The following FAM120A variants were observed in gnomAD, a reference collection of about 807,000 sequenced individuals.
FAM120A encodes the protein family with sequence similarity 120 member A.
A neutral mutation model predicts 109.7 loss-of-function variants in FAM120A; 15 were observed. That is an observed-to-expected ratio of 0.14 (90% CI 0.09 to 0.21). FAM120A has a LOEUF of 0.21. Among genes scored for constraint, FAM120A ranks in the 10% least tolerant of loss-of-function variants. The pLI, the probability that FAM120A is intolerant of heterozygous loss-of-function variation, is 1.00. For synonymous variants in FAM120A, 493 were observed against 572.8 expected (o/e 0.86, Z 1.99); for missense variants, 899 against 1,439.3 (o/e 0.62, Z 6.07).
Position 93,452,397 on chromosome 9 carries a change from C to G in FAM120A, c.474+8C>G. ...ATCCGCTTCCACGTCAAGGTGAGGC[C>G]GGGGATCCGGGCGGGCCGGGGACCG... On this transcript the variant is annotated splice_region_variant and intron_variant, in intron 1 of 17. Coordinates refer to ENST00000277165, the MANE Select transcript of FAM120A (RefSeq NM_014612.5). The surrounding 1 kb of genome is among the most constrained non-coding windows in gnomAD (Gnocchi z 7.0). 1 of 1,599,582 alleles carries G rather than the reference C, an allele frequency of 6.3e-7. No individual in the cohort carries two copies. Among genetic ancestry groups the G allele is most frequent in the Non-Finnish European group, 8.5e-7 (1 of 1,173,968 alleles).
At chr9:93,504,515 A>G (rs536210634) in intron 5 of FAM120A, among the ~76,000 whole-genome samples, 1 of 152,224 alleles carries the variant, frequency 6.6e-6, no homozygotes, top group African/African-American at 2.4e-5. Flanking sequence ...TCGTGTCTGT[A>G]TGTCTGGATA....
intron 1 of FAM120A, among the ~76,000 whole-genome samples, chr9:93,459,236 C>T (rs918651203): frequency 6.6e-6 from 1 of 152,194 alleles, no homozygotes; most frequent in East Asian, 1.9e-4. Flanking sequence ...GCATATTTAC[C>T]TCCCCCAGCC....
chr9:93,451,702 G>C lies in FAM120A; in HGVS notation c.-214G>C. 1 of 982,320 alleles carries C rather than the reference G, an allele frequency of 1.0e-6. No homozygotes were observed. The highest frequency in any genetic ancestry group is 1.2e-6 in the Non-Finnish European group (1 of 830,642). The allele number at this position is 982,320 out of a possible 1,614,324, so 60.9% of individuals were successfully genotyped here. A position where few individuals can be genotyped will look rare whatever the true frequency, so the allele number is the denominator to read the frequency against. On this transcript the variant is annotated 5_prime_UTR_variant, in exon 1 of 18. Coordinates refer to ENST00000277165, the MANE Select transcript of FAM120A (RefSeq NM_014612.5). ...GCCTCGGCCTCGGCCTCGCAGCGGCGGCAGCGGCGGCGGCGGCAGGTCCCT... is the reference window on the plus strand; with the variant it reads ...GCCTCGGCCTCGGCCTCGCAGCGGCCGCAGCGGCGGCGGCGGCAGGTCCCT...
chr9:93,545,524 C>T (rs928658419), intron 11 of FAM120A, among the ~76,000 whole-genome samples: 2 of 152,308 alleles, frequency 1.3e-5, no homozygotes, highest in Admixed American at 6.5e-5. Flanking sequence ...CTTTTGGGGC[C>T]TGTCTCACCC....
chr9:93,551,073 C>A (rs1284346374), intron 12 of FAM120A, among the ~76,000 whole-genome samples: 2 of 152,126 alleles, frequency 1.3e-5, no homozygotes, highest in Non-Finnish European at 2.9e-5. Context: ...AGCAAGGATT[C>A]TTTTTCTTAT....
At position 93,527,654 on chromosome 9, in the gene FAM120A, G is replaced by A. The variant is rs185450035; in HGVS notation, c.1506+412G>A. Among the ~76,000 whole-genome samples, 287 of 78,780 alleles carry A rather than the reference G, an allele frequency of 3.6e-3. 9 individuals carry two copies. The South Asian group carries it at 0.048, about 13-fold the overall frequency. The allele number at this position is 78,780 out of a possible 152,430, so 51.7% of individuals were successfully genotyped here. On this transcript the variant is annotated intron_variant, in intron 8 of 17. Transcript: ENST00000277165. Reference sequence around the variant, plus strand: ...TTTTTTTTTTTTGAGATGGAGTCTTGCTCTGTCACCCAGGCTGGAGTACAG... The same window carrying A: ...TTTTTTTTTTTTGAGATGGAGTCTTACTCTGTCACCCAGGCTGGAGTACAG...
At chr9:93,552,038 G>T (rs142249190) in intron 12 of FAM120A, among the ~76,000 whole-genome samples, 179 of 152,218 alleles carry the variant, frequency 1.2e-3, no homozygotes, top group African/African-American at 3.7e-3. Context: ...TGTGCTTCAG[G>T]GGGTTGGAGA....
At chr9:93,536,806 T>C (rs577997049) in intron 10 of FAM120A, among the ~76,000 whole-genome samples, 1 of 152,332 alleles carries the variant, frequency 6.6e-6, no homozygotes, top group Admixed American at 6.5e-5. Context: ...GAAAGTCACG[T>C]TGTATTCTGT....
chr9:93,483,105 G>A (rs571904556), intron 3 of FAM120A, among the ~76,000 whole-genome samples: 5 of 152,282 alleles, frequency 3.3e-5, no homozygotes, highest in Non-Finnish European at 7.4e-5. Context: ...TAAATAGAAA[G>A]ATGAACTTCG....
At chr9:93,494,362 A>G (rs985639595) in intron 3 of FAM120A, among the ~76,000 whole-genome samples, 3 of 152,198 alleles carry the variant, frequency 2.0e-5, no homozygotes, top group Non-Finnish European at 2.9e-5. Flanking sequence ...CCCGGATGCT[A>G]TGGGACCACC....
chr9:93,561,485 T>G (rs996245477), intron 16 of FAM120A, among the ~76,000 whole-genome samples: 3 of 152,126 alleles, frequency 2.0e-5, no homozygotes, highest in Non-Finnish European at 4.4e-5. Context: ...GCCTTGACTT[T>G]CTGGGCTCCA....
At chr9:93,548,439 T>C (rs1200069798) in intron 11 of FAM120A, among the ~76,000 whole-genome samples, 1 of 151,156 alleles carries the variant, frequency 6.6e-6, no homozygotes, top group Non-Finnish European at 1.5e-5. Flanking sequence ...GACTGGGGAG[T>C]TGTTGTGTAA....
chr9:93,533,149 A>C (rs73651248), intron 10 of FAM120A, among the ~76,000 whole-genome samples: 4,894 of 152,302 alleles, frequency 0.032, 112 homozygotes, highest in Admixed American at 0.071. Flanking sequence ...GTAAATTACT[A>C]GATCATTCTT....
intron 5 of FAM120A, among the ~76,000 whole-genome samples, chr9:93,506,151 G>A (rs1056119526): frequency 2.0e-5 from 3 of 152,188 alleles, no homozygotes; most frequent in African/African-American, 7.2e-5. Flanking sequence ...GCAAGAGGTC[G>A]AGACTGTTCT....
chr9:93,543,310 G>A lies in FAM120A; in HGVS notation c.1998G>A (p.Glu666=). ...PELVEALAFR[E]WTCPNLKRLW... ...TGGTTGAAGCTCTTGCCTTCAGGGA[G>A]TGGACCTGCCCCAACCTGAAGAGGC... Residue 666 remains glutamate (E), a synonymous_variant, in exon 11 of 18, where the codon GAG becomes GAA. Coordinates refer to ENST00000277165, the MANE Select transcript of FAM120A (RefSeq NM_014612.5). 1 of 1,614,202 alleles carries A rather than the reference G, an allele frequency of 6.2e-7. No homozygotes were observed. The highest frequency in any genetic ancestry group is 8.5e-7 in the Non-Finnish European group (1 of 1,180,034).
intron 12 of FAM120A, among the ~76,000 whole-genome samples, chr9:93,554,368 T>G (rs1251111581): frequency 6.6e-6 from 1 of 152,162 alleles, no homozygotes; most frequent in East Asian, 1.9e-4. Context: ...ACCAGCCCGT[T>G]CCTAAGAAAC....
intron 11 of FAM120A, 117 bp from the exon 12 acceptor site, chr9:93,550,458 TCA>T: frequency 1.5e-6 from 1 of 685,438 alleles, no homozygotes; most frequent in Non-Finnish European, 2.6e-6. Context: ...GAATAAGAAA[TCA>T]CATGGGTCTT....
intron 7 of FAM120A, among the ~76,000 whole-genome samples, chr9:93,516,525 G>A (rs542793412): frequency 2.6e-5 from 4 of 152,270 alleles, no homozygotes; most frequent in African/African-American, 9.6e-5. Flanking sequence ...AACTTTCTGG[G>A]GAGGAATTTG....
chr9:93,480,668 T>G (rs1858760192), intron 3 of FAM120A, among the ~76,000 whole-genome samples: 1 of 151,646 alleles, frequency 6.6e-6, no homozygotes, highest in Non-Finnish European at 1.5e-5. Flanking sequence ...ATTCCAGGAG[T>G]GCATCTCATT....
Sources: allele counts gnomAD v4.1 joint callset (sites outside exome capture counted in the v4.1 genomes callset), GRCh38; gene constraint gnomAD v4.1.1; non-coding constraint Gnocchi (gnomAD v3.1); transcripts MANE v1.5; gene names NCBI Gene and HGNC (gene_info 2026-07-23, HGNC 2026-07-21).